Variants in TMC2 observed in about 807,000 individuals in gnomAD.
The protein encoded by TMC2 is transmembrane channel like 2.
TMC2 carries 102 observed loss-of-function variants against 105.9 expected under a neutral mutation model. That is an observed-to-expected ratio of 0.96 (90% CI 0.82 to 1.14). TMC2 has a LOEUF of 1.14. Ranked by LOEUF, TMC2 falls within the 50% of genes most tolerant of loss-of-function variation. The pLI is 0.00. For missense variants in TMC2, 1,093 were observed against 1,134.3 expected (o/e 0.96, Z 0.52); for synonymous variants, 402 against 422.8 (o/e 0.95, Z 0.60).
intron 10 of TMC2, among the ~76,000 whole-genome samples, chr20:2,599,428 AAG>A: frequency 6.6e-6 from 1 of 151,994 alleles, no homozygotes; most frequent in East Asian, 1.9e-4. Context: ...TCCAGCTGGG[AAG>A]CAAATGAATG....
intron 8 of TMC2, among the ~76,000 whole-genome samples, chr20:2,594,225 CTTT>C (rs565664102): frequency 2.1e-4 from 24 of 113,738 alleles, no homozygotes; most frequent in East Asian, 7.8e-4. Flanking sequence ...CTAAGGATTC[CTTT>C]TTTTTTTTTT....
intron 17 of TMC2, among the ~76,000 whole-genome samples, chr20:2,627,549 G>A (rs151258766): frequency 6.6e-6 from 1 of 152,254 alleles, no homozygotes; most frequent in East Asian, 1.9e-4. Flanking sequence ...TCCACTTTCT[G>A]CTTGGACTCT....
intron 5 of TMC2, among the ~76,000 whole-genome samples, chr20:2,577,334 C>A (rs1260533273): frequency 1.3e-5 from 2 of 152,162 alleles, no homozygotes; most frequent in African/African-American, 4.8e-5. Flanking sequence ...AGCCACCACG[C>A]CCAGCCCAAA....
chr20:2,586,508 T>G (rs1318766548), intron 7 of TMC2, among the ~76,000 whole-genome samples: 1 of 152,194 alleles, frequency 6.6e-6, no homozygotes, highest in Non-Finnish European at 1.5e-5. Context: ...TGCCAGCATC[T>G]GCTTCTGTTA....
chr20:2,553,389 A>C (rs903539325), intron 2 of TMC2, among the ~76,000 whole-genome samples: 7 of 152,306 alleles, frequency 4.6e-5, no homozygotes, highest in Admixed American at 4.6e-4. Context: ...GATGGATTAC[A>C]TCAATTGATT....
intron 9 of TMC2, 143 bp downstream of exon 9, chr20:2,595,110 T>C (rs1334625235): frequency 3.1e-6 from 3 of 974,862 alleles, no homozygotes; most frequent in Admixed American, 5.0e-5. Context: ...ACATTATAAT[T>C]TGTGGTATGA....
Position 2,612,369 on chromosome 20 carries a change from A to G in TMC2, c.1743+29A>G, listed in dbSNP as rs571751740. The G allele has an allele frequency of 1.3e-5, 19 of 1,493,478 alleles. No homozygotes were observed. The African/African-American group carries it at 1.4e-4, about 11-fold the overall frequency. The allele number at this position is 1,493,478 out of a possible 1,614,324, so 92.5% of individuals were successfully genotyped here. On this transcript the variant is annotated intron_variant, in intron 13 of 19. Transcript: ENST00000358864. ...AGTAGTTACACTCTCTAAAAAGGTG[A>G]CCCCTGTTCTCAGTTCTTTGTTATT...
chr20:2,634,456 G>A (rs1054866759), intron 17 of TMC2, among the ~76,000 whole-genome samples: 2 of 152,240 alleles, frequency 1.3e-5, no homozygotes, highest in Non-Finnish European at 2.9e-5. Flanking sequence ...CTTGTGTGTT[G>A]TTTTATATCC....
intron 5 of TMC2, among the ~76,000 whole-genome samples, chr20:2,573,065 CCAGCCT>C (rs751076241): frequency 6.6e-6 from 1 of 151,946 alleles, no homozygotes; most frequent in African/African-American, 2.4e-5. Context: ...AAGAGATCCT[CCAGCCT>C]CAGCCTCAGC....
At chr20:2,555,222 A>T (rs2085978730) in intron 2 of TMC2, among the ~76,000 whole-genome samples, 1 of 152,164 alleles carries the variant, frequency 6.6e-6, no homozygotes, top group Admixed American at 6.5e-5. Flanking sequence ...CTGAGATTAC[A>T]GGCATGCGCC....
Position 2,580,070 on chromosome 20 carries a change from T to G in TMC2, c.834+14T>G, listed in dbSNP as rs2422794. On this transcript the variant is annotated intron_variant, in intron 7 of 19. Transcript: ENST00000358864. ...ATAATCCCAGAGGTAAGAAAAGAAC[T>G]TCCTAAATCTTTGGATAGAGTTAAG... 152,090 of 1,542,438 alleles carry G rather than the reference T, an allele frequency of 0.099. 8,239 individuals are homozygous for G. The highest frequency in any genetic ancestry group is 0.15 in the African/African-American group (11,023 of 73,380).
chr20:2,622,259 T>A (rs2086530569), intron 16 of TMC2, among the ~76,000 whole-genome samples: 1 of 152,254 alleles, frequency 6.6e-6, no homozygotes, highest in East Asian at 1.9e-4. Flanking sequence ...TTACAGACAC[T>A]AAAATTTTAA....
At chr20:2,568,501 G>A (rs1426630825) in intron 4 of TMC2, among the ~76,000 whole-genome samples, 1 of 152,188 alleles carries the variant, frequency 6.6e-6, no homozygotes, top group East Asian at 1.9e-4. Flanking sequence ...TCTGAACAGA[G>A]AGAAGAGAAG....
chr20:2,588,691 TTGTGTGTG>T (rs57035040), intron 7 of TMC2, among the ~76,000 whole-genome samples: 12 of 143,480 alleles, frequency 8.4e-5, no homozygotes, highest in Admixed American at 2.1e-4. Context: ...GCATGTGTCT[TTGTGTGTG>T]TGTGTGTGTG....
intron 2 of TMC2, among the ~76,000 whole-genome samples, chr20:2,545,839 AAGAAAGAAAGAAAG>A (rs1283064255): frequency 6.7e-6 from 1 of 150,200 alleles, no homozygotes; most frequent in Non-Finnish European, 1.5e-5. Flanking sequence ...GAAAGAAAGA[AAGAAAGAAAGAAAG>A]AGAAAGAAAG....
intron 2 of TMC2, among the ~76,000 whole-genome samples, chr20:2,554,177 G>A (rs957977156): frequency 6.6e-5 from 10 of 152,200 alleles, no homozygotes; most frequent in Admixed American, 2.6e-4. Flanking sequence ...ATGAGCCAAC[G>A]TGCCCAGCCT....
chr20:2,603,277 TAAGA>T (rs762284897), intron 11 of TMC2, among the ~76,000 whole-genome samples: 173 of 146,974 alleles, frequency 1.2e-3, no homozygotes, highest in Middle Eastern at 3.6e-3. Context: ...AAATTAATAA[TAAGA>T]AAGAGTTTAT....
At chr20:2,587,369 T>A (rs1232316245) in intron 7 of TMC2, among the ~76,000 whole-genome samples, 1 of 152,190 alleles carries the variant, frequency 6.6e-6, no homozygotes, top group East Asian at 1.9e-4. Flanking sequence ...CCAACTAGGT[T>A]ATTATGTATT....
At chr20:2,603,612 G>C (rs1324174387) in intron 11 of TMC2, among the ~76,000 whole-genome samples, 1 of 152,136 alleles carries the variant, frequency 6.6e-6, no homozygotes, top group Non-Finnish European at 1.5e-5. Flanking sequence ...TAGGTTATTT[G>C]GATCAAGTAA....
Sources: allele counts gnomAD v4.1 joint callset (sites outside exome capture counted in the v4.1 genomes callset), GRCh38; gene constraint gnomAD v4.1.1; transcripts MANE v1.5; gene names NCBI Gene and HGNC (gene_info 2026-07-23, HGNC 2026-07-21).